Variants in FGD3 observed in about 807,000 individuals in gnomAD.
FGD3 encodes the protein FYVE, RhoGEF and PH domain-containing protein 3.
Under a neutral mutation model 71.8 loss-of-function variants are expected in FGD3, and 45 were observed. The observed-to-expected ratio is 0.63, with a 90% CI of 0.49 to 0.80. The LOEUF is 0.80. FGD3 is among the 30% of genes least tolerant of loss of function. The pLI, the probability that FGD3 is intolerant of heterozygous loss-of-function variation, is 0.00. For missense variants in FGD3, 844 were observed against 951.5 expected (o/e 0.89, Z 1.49); for synonymous variants, 378 against 392.8 (o/e 0.96, Z 0.44).
In FGD3 at chr9:93,015,773, C is replaced by A; in HGVS notation, c.1219C>A (p.Arg407=). 1.2e-6 allele frequency: 2 copies of A among 1,614,204 alleles called. No homozygotes were observed. The highest frequency in any genetic ancestry group is 1.7e-6 in the Non-Finnish European group (2 of 1,180,030). Residue 407 remains arginine, a synonymous_variant, in exon 10 of 18, where the codon CGG becomes AGG. Coordinates refer to ENST00000375482, the MANE Select transcript of FGD3 (RefSeq NM_001083536.2). ...SMILYCVPKL[R]LMGQKFSVRE... Reference sequence around the variant, plus strand: ...GATCCTTTACTGTGTGCCCAAGCTGCGGCTCATGGGCCAGAAGTTCAGCGT... The same window carrying A: ...GATCCTTTACTGTGTGCCCAAGCTGAGGCTCATGGGCCAGAAGTTCAGCGT...
intron 8 of FGD3, 58 bp downstream of exon 8, chr9:93,011,330 G>T: frequency 6.3e-7 from 1 of 1,588,546 alleles, no homozygotes; most frequent in Non-Finnish European, 8.6e-7. Flanking sequence ...TGAGGGCCAG[G>T]GGCCCTTGTG....
chr9:92,972,418 A>C (rs1443510086), intron 1 of FGD3, among the ~76,000 whole-genome samples: 2 of 148,890 alleles, frequency 1.3e-5, no homozygotes, highest in Admixed American at 1.4e-4. Flanking sequence ...TGGCCACTGA[A>C]CTCCAGTCTG....
At chr9:93,020,019 A>T (rs1351858339) in intron 12 of FGD3, among the ~76,000 whole-genome samples, 158 bp downstream of exon 12, 2 of 152,350 alleles carry the variant, frequency 1.3e-5, no homozygotes, top group Non-Finnish European at 2.9e-5. Flanking sequence ...CTTCATAAGC[A>T]GCTTCAGATG....
chr9:93,003,838 C>T lies in FGD3; in HGVS notation c.544-163C>T, dbSNP rs1860946496. ...ATTAAGACCATGAGGTTGTCTGAAC[C>T]AGTTGGATGAAAAGGGAGGACAATA... On this transcript the variant is annotated intron_variant, in intron 4 of 17. Transcript: ENST00000375482. The surrounding 1 kb of genome is among the most constrained non-coding windows in gnomAD (Gnocchi z 4.1). Among the ~76,000 whole-genome samples the T allele has an allele frequency of 1.3e-5, 2 of 152,276 alleles. No individual in the cohort carries two copies. The highest frequency in any genetic ancestry group is 2.1e-4 in the South Asian group (1 of 4,828).
intron 3 of FGD3, among the ~76,000 whole-genome samples, chr9:92,979,721 G>C (rs1313423346): frequency 1.3e-5 from 2 of 152,152 alleles, no homozygotes; most frequent in African/African-American, 4.8e-5. Context: ...CATCAGTGAA[G>C]CCATCTGGTC....
chr9:92,971,422 T>C (rs1859521567), intron 1 of FGD3, among the ~76,000 whole-genome samples: 1 of 151,968 alleles, frequency 6.6e-6, no homozygotes, highest in South Asian at 2.1e-4. Context: ...ACCACACACC[T>C]CCTCACCTCT....
chr9:93,015,350 G>A (rs527584024), intron 9 of FGD3, among the ~76,000 whole-genome samples: 1 of 152,250 alleles, frequency 6.6e-6, no homozygotes, highest in African/African-American at 2.4e-5. Context: ...CAGCTACTCG[G>A]GAGGCTGAGG....
chr9:92,976,050 C>T (rs1370919608), intron 2 of FGD3, among the ~76,000 whole-genome samples, 158 bp from the exon 3 acceptor site: 2 of 152,188 alleles, frequency 1.3e-5, no homozygotes, highest in African/African-American at 4.8e-5. Context: ...TGAAGCTGAC[C>T]AGGGCATTCA....
intron 3 of FGD3, among the ~76,000 whole-genome samples, chr9:92,989,198 G>A (rs1300850502): frequency 1.3e-5 from 2 of 152,062 alleles, no homozygotes; most frequent in East Asian, 3.9e-4. Context: ...CTACAGATGC[G>A]TGCCACCACA....
At chr9:92,993,448 C>T (rs1199327037) in intron 3 of FGD3, among the ~76,000 whole-genome samples, 2 of 152,054 alleles carry the variant, frequency 1.3e-5, no homozygotes, top group Non-Finnish European at 2.9e-5. Flanking sequence ...TTAATCCATT[C>T]AGCCAATATG....
rs766262807 is a variant in FGD3 at position 93,011,175 on chromosome 9, C to T, written c.977-39C>T. The T allele has an allele frequency of 5.6e-6, 9 of 1,611,938 alleles. No individual in the cohort carries two copies. The South Asian group carries it at 9.9e-5, about 18-fold the overall frequency. On this transcript the variant is annotated intron_variant, in intron 7 of 17. Transcript: ENST00000375482. ...CCCCTCAGGCAAGCAAAAACGGAGCCACCGTGGCCCCAGGCTGAACACAGT... is the reference window on the plus strand; with the variant it reads ...CCCCTCAGGCAAGCAAAAACGGAGCTACCGTGGCCCCAGGCTGAACACAGT...
chr9:92,992,940 A>T (rs994967119), intron 3 of FGD3, among the ~76,000 whole-genome samples: 3 of 152,102 alleles, frequency 2.0e-5, no homozygotes, highest in Non-Finnish European at 4.4e-5. Flanking sequence ...CTCTGGATAG[A>T]TGCTATCTGG....
intron 1 of FGD3, among the ~76,000 whole-genome samples, chr9:92,967,547 G>A (rs1367356300): frequency 1.3e-5 from 2 of 152,186 alleles, no homozygotes; most frequent in Admixed American, 6.5e-5. Flanking sequence ...GTCCACCCCT[G>A]TTGTGGCATG....
At chr9:93,011,455 G>C (rs558777295) in intron 8 of FGD3, among the ~76,000 whole-genome samples, 183 bp downstream of exon 8, 5 of 152,310 alleles carry the variant, frequency 3.3e-5, no homozygotes, top group Admixed American at 2.0e-4. Flanking sequence ...TGCTATAATA[G>C]ACCTGTGTCC....
At position 93,019,816 on chromosome 9, in the gene FGD3, G is replaced by A. The variant is rs774453705; in HGVS notation, c.1356-15G>A. On this transcript the variant is annotated splice_polypyrimidine_tract_variant and intron_variant, in intron 11 of 17. Transcript: ENST00000375482. ...TCCAAGACTGGATTAATACAAGACC[G>A]TTTTGGTTTTTTAGGACAGAGGAAG... 10 of 1,613,454 alleles carry A rather than the reference G, an allele frequency of 6.2e-6. No individual in the cohort carries two copies. Among genetic ancestry groups the A allele is most frequent in the Admixed American group, 3.3e-5 (2 of 59,984 alleles).
chr9:92,964,744 CCT>C (rs796700852), intron 1 of FGD3, among the ~76,000 whole-genome samples: 7 of 152,186 alleles, frequency 4.6e-5, no homozygotes, highest in African/African-American at 1.7e-4. Flanking sequence ...ATGCAGGGAG[CCT>C]TTTTCCATCG....
intron 13 of FGD3, chr9:93,020,629 T>C (rs1334810134): frequency 3.6e-6 from 2 of 551,374 alleles, no homozygotes; most frequent in East Asian, 6.3e-5. Flanking sequence ...AAACAACTAT[T>C]TGTGGATGGG....
At chr9:92,983,840 TCTAAA>T (rs1362889176) in intron 3 of FGD3, among the ~76,000 whole-genome samples, 1 of 152,206 alleles carries the variant, frequency 6.6e-6, no homozygotes, top group East Asian at 1.9e-4. Flanking sequence ...CCTTTAACCC[TCTAAA>T]CTAGGCAAAA....
rs529067622 is a variant in FGD3, at chr9:92,971,784, G to A, written c.-217-3454G>A. ...ATCAGCCCTGTGAGGTATACTTGGC[G>A]TACCATTGATGCATAATGTTTAAAG... On this transcript the variant is annotated intron_variant, in intron 1 of 17. Transcript: ENST00000375482. Among the ~76,000 whole-genome samples, 48 of 151,844 alleles carry A rather than the reference G, an allele frequency of 3.2e-4. No homozygotes were observed. In the East Asian group the frequency reaches 6.4e-3, roughly 20 times the overall value.
Sources: gnomAD v4.1 joint callset for allele counts (sites outside exome capture counted in the v4.1 genomes callset) on GRCh38, gnomAD v4.1.1 for gene constraint, Gnocchi (gnomAD v3.1) non-coding constraint, MANE v1.5 for transcripts, NCBI Gene and HGNC (gene_info 2026-07-23, HGNC 2026-07-21) for gene names.